The following SEC24B variants were observed in gnomAD, a reference collection of about 807,000 sequenced individuals.
SEC24B encodes the protein SEC24 homolog B, COPII component.
Under a neutral mutation model 142.8 loss-of-function variants are expected in SEC24B, and 45 were observed. That is an observed-to-expected ratio of 0.32 (90% CI 0.25 to 0.40). The LOEUF (loss-of-function observed/expected upper bound fraction) is 0.40, where lower values mean the gene tolerates loss of function less well. Ranked by LOEUF, SEC24B falls within the 10% of genes least tolerant of loss-of-function variation. The pLI is 1.00. For missense variants in SEC24B, 1,409 were observed against 1,526.8 expected (o/e 0.92, Z 1.29); for synonymous variants, 574 against 568.2 (o/e 1.01, Z -0.15).
At chr4:109,455,466 CCT>C (rs1561075767) in intron 1 of SEC24B, among the ~76,000 whole-genome samples, 1 of 152,100 alleles carries the variant, frequency 6.6e-6, no homozygotes, top group Non-Finnish European at 1.5e-5. Flanking sequence ...GTCTCCAACC[CCT>C]GACCTCAGGT....
intron 2 of SEC24B, among the ~76,000 whole-genome samples, chr4:109,467,326 A>T (rs901336113): frequency 8.6e-6 from 1 of 116,518 alleles, no homozygotes; most frequent in African/African-American, 3.0e-5. Flanking sequence ...ACTCCGTCTC[A>T]AAAAAAAAAA....
chr4:109,523,343 G>A (rs1723864034), intron 14 of SEC24B, among the ~76,000 whole-genome samples: 1 of 152,012 alleles, frequency 6.6e-6, no homozygotes, highest in Non-Finnish European at 1.5e-5. Context: ...GGTGATGCAA[G>A]CCTGTAATCC....
In SEC24B at chr4:109,464,636, A is replaced by T. The variant is rs77603876; in HGVS notation, c.877+992A>T. ...GAACCGAATGAAAATGCATGTAAAA[A>T]ATGGGAATTGGTAAAGCTGTGGTAA... is the stretch of plus-strand genomic sequence containing the variant. On this transcript the variant is annotated intron_variant, in intron 2 of 23. Coordinates refer to ENST00000265175, the MANE Select transcript of SEC24B (RefSeq NM_006323.5). Among the ~76,000 whole-genome samples the T allele has an allele frequency of 7.2e-3, 1,091 of 152,356 alleles. 6 individuals are homozygous for T. Among genetic ancestry groups the T allele is most frequent in the African/African-American group, 0.012 (506 of 41,594 alleles).
chr4:109,436,197 C>T (rs1194657211), intron 1 of SEC24B, among the ~76,000 whole-genome samples: 1 of 152,126 alleles, frequency 6.6e-6, no homozygotes, highest in Non-Finnish European at 1.5e-5. Context: ...CACACCTTAT[C>T]CTCCAGAAGG....
chr4:109,482,955 T>TAG (rs1412883559), intron 4 of SEC24B, among the ~76,000 whole-genome samples: 1 of 52,568 alleles, frequency 1.9e-5, no homozygotes, highest in South Asian at 5.3e-4. Context: ...TATATATATA[T>TAG]ATATATATAT....
intron 1 of SEC24B, among the ~76,000 whole-genome samples, chr4:109,455,345 G>A (rs1730555783): frequency 6.6e-6 from 1 of 152,028 alleles, no homozygotes; most frequent in Middle Eastern, 3.2e-3. Flanking sequence ...CGCCTCCCAG[G>A]TTCAAGCGAG....
intron 6 of SEC24B, among the ~76,000 whole-genome samples, chr4:109,502,863 A>G (rs972520238): frequency 2.6e-5 from 4 of 152,124 alleles, no homozygotes; most frequent in Non-Finnish European, 5.9e-5. Flanking sequence ...ATTATTGGTC[A>G]TATGTATTTC....
chr4:109,534,768 C>T (rs1725324038), intron 22 of SEC24B, among the ~76,000 whole-genome samples: 1 of 152,162 alleles, frequency 6.6e-6, no homozygotes, highest in African/African-American at 2.4e-5. Flanking sequence ...GGGCTAACTT[C>T]TCTATAAAAA....
intron 5 of SEC24B, among the ~76,000 whole-genome samples, chr4:109,494,320 T>G (rs950249730): frequency 6.6e-6 from 1 of 151,936 alleles, no homozygotes; most frequent in Non-Finnish European, 1.5e-5. Context: ...AACTAATGTA[T>G]CTGTTGGTGA....
chr4:109,531,315 G>A, intron 19 of SEC24B, 70 bp from the exon 20 acceptor site: 4 of 1,280,148 alleles, frequency 3.1e-6, no homozygotes, highest in Non-Finnish European at 4.4e-6. Context: ...GATTGACAGT[G>A]TATATTTGTT....
chr4:109,467,992 C>G (rs1732136676), intron 2 of SEC24B, among the ~76,000 whole-genome samples: 1 of 152,188 alleles, frequency 6.6e-6, no homozygotes. Context: ...ACGCATGACA[C>G]TAAGATATAG....
chr4:109,539,693 T>C lies in SEC24B; in HGVS notation c.*18T>C. On this transcript the variant is annotated 3_prime_UTR_variant, in exon 24 of 24. Transcript: ENST00000265175. ...GTAAGTGAAGTAGAATAAAATTGAA[T>C]AAGAAAAAGATCTATAACCTAGGTA... The C allele has an allele frequency of 6.7e-7, 1 of 1,495,438 alleles. No homozygotes were observed. The highest frequency in any genetic ancestry group is 9.3e-7 in the Non-Finnish European group (1 of 1,076,076). The allele number at this position is 1,495,438 out of a possible 1,614,324, so 92.6% of individuals were successfully genotyped here. A position where few individuals can be genotyped will look rare whatever the true frequency, so the allele number is the denominator to read the frequency against.
chr4:109,516,463 T>C (rs558541402), intron 10 of SEC24B, 65 bp from the exon 11 acceptor site: 1 of 889,614 alleles, frequency 1.1e-6, no homozygotes, highest in East Asian at 2.7e-5. Flanking sequence ...CCAGTAGCAA[T>C]AGTAATATAT....
Position 109,506,362 on chromosome 4 carries a change from T to A in SEC24B, c.1523T>A (p.Ile508Lys). 3 of 1,604,444 alleles carry A rather than the reference T, an allele frequency of 1.9e-6. No individual in the cohort carries two copies. The highest frequency in any genetic ancestry group is 2.6e-6 in the Non-Finnish European group (3 of 1,175,154). Reference protein sequence around the residue: ...YPGVNQLSSSIGGLSLQSSPQ... With the variant: ...YPGVNQLSSSKGGLSLQSSPQ... ...GGTGTGAACCAGCTATCCTCCAGTA[T>A]AGGAGGATTGAGTCTTCAGAGTTCT... The change falls in exon 7 of 24, where the codon ATA becomes AAA. Residue 508 changes from isoleucine to lysine, a missense_variant. By Grantham distance (102) the Ile-to-Lys change is moderately radical. This residue lies in a region of SEC24B where 709 missense variants were observed against 673.5 expected (regional missense o/e 1.05). Transcript: ENST00000265175.
intron 23 of SEC24B, among the ~76,000 whole-genome samples, 162 bp downstream of exon 23, chr4:109,538,758 A>G (rs904726600): frequency 6.6e-5 from 10 of 152,110 alleles, no homozygotes; most frequent in South Asian, 6.2e-4. Context: ...ACATCTCCAT[A>G]TATTAGTAAT....
Position 109,521,546 on chromosome 4 carries a change from G to A in SEC24B, c.2428G>A (p.Val810Ile), listed in dbSNP as rs1723615093. The A allele has an allele frequency of 6.2e-7, 1 of 1,614,168 alleles. No individual in the cohort carries two copies. Among genetic ancestry groups the A allele is most frequent in the East Asian group, 2.2e-5 (1 of 44,880 alleles). ...LMSPTGGRVS[V>I]FQTQLPSLGA... ...GTCTCCAACAGGTGGCCGTGTGTCTGTATTTCAGACACAGTTACCTTCCTT... is the reference window on the plus strand; with the variant it reads ...GTCTCCAACAGGTGGCCGTGTGTCTATATTTCAGACACAGTTACCTTCCTT... The change falls in exon 14 of 24, where the codon GTA (valine) becomes ATA (isoleucine). Residue 810 changes from valine (V) to isoleucine (I), a missense_variant. Physicochemically the swap from Val to Ile is conservative, Grantham distance 29. Around this residue, in one of 2 missense-constraint regions of SEC24B, gnomAD observed 700 missense variants for 853.3 expected, o/e 0.82. Transcript: ENST00000265175.
intron 2 of SEC24B, among the ~76,000 whole-genome samples, chr4:109,465,888 A>G (rs145666922): frequency 5.1e-4 from 77 of 152,288 alleles, no homozygotes; most frequent in African/African-American, 1.7e-3. Flanking sequence ...TAATCTTAGT[A>G]CTGTACTGTG....
At position 109,433,876 on chromosome 4, in the gene SEC24B, G is replaced by GC; in HGVS notation, c.12dup (p.Ala5ArgfsTer85). On this transcript the variant is annotated frameshift_variant, in exon 1 of 24. Transcript: ENST00000265175. LOFTEE classifies it high-confidence loss of function. ...CGTCGCCACCAGCGCCGTCATGTCG[G>GC]CCCCCGCCGGGTCCTCTCACCCGGC... is the stretch of plus-strand genomic sequence containing the variant. 2 of 1,334,740 alleles carry GC rather than the reference G, an allele frequency of 1.5e-6. No homozygotes were observed. Among genetic ancestry groups the GC allele is most frequent in the African/African-American group, 1.5e-5 (1 of 65,416 alleles). The allele number at this position is 1,334,740 out of a possible 1,614,324, so 82.7% of individuals were successfully genotyped here.
intron 4 of SEC24B, among the ~76,000 whole-genome samples, chr4:109,482,116 G>A (rs912325143): frequency 2.0e-5 from 3 of 152,156 alleles, no homozygotes; most frequent in Non-Finnish European, 2.9e-5. Flanking sequence ...CTCTAGCATC[G>A]TTTTAGGAAT....
Sources: allele counts gnomAD v4.1 joint callset (sites outside exome capture counted in the v4.1 genomes callset), GRCh38; gene constraint gnomAD v4.1.1; regional missense constraint gnomAD v4.1.1; transcripts MANE v1.5; gene names NCBI Gene and HGNC (gene_info 2026-07-23, HGNC 2026-07-21).